The following HMCN1 variants were observed in gnomAD, a reference collection of about 807,000 sequenced individuals.
HMCN1 encodes hemicentin-1.
Under a neutral mutation model 625.9 loss-of-function variants are expected in HMCN1, and 321 were observed. The observed-to-expected ratio is 0.51, with a 90% CI of 0.47 to 0.56. The LOEUF (loss-of-function observed/expected upper bound fraction) is 0.56, where lower values mean the gene tolerates loss of function less well. Among genes scored for constraint, HMCN1 ranks in the 20% least tolerant of loss-of-function variants. HMCN1 has a pLI of 0.00. For synonymous variants in HMCN1, 2,425 were observed against 2,417.6 expected, an observed-to-expected ratio of 1.00 and a Z score of -0.09; for missense variants, 6,588 against 6,887.3, an observed-to-expected ratio of 0.96 and a Z score of 1.54.
At chr1:186,057,083 T>C (rs759866988) in intron 45 of HMCN1, 151 bp from the exon 46 acceptor site, 4 of 669,558 alleles carry the variant, frequency 6.0e-6, no homozygotes, top group Non-Finnish European at 1.1e-5. Context: ...TTGTTGTGAT[T>C]GCTTATTTTG....
intron 12 of HMCN1, 40 bp downstream of exon 12, chr1:185,962,699 G>C: frequency 2.4e-6 from 3 of 1,242,342 alleles, no homozygotes; most frequent in Non-Finnish European, 3.6e-6. Context: ...TATTGAGTGA[G>C]AAAAATTGAT....
intron 58 of HMCN1, 63 bp downstream of exon 58, chr1:186,086,470 A>C: frequency 6.6e-7 from 1 of 1,506,728 alleles, no homozygotes; most frequent in Non-Finnish European, 9.2e-7. Flanking sequence ...TACAAACAGC[A>C]TTTCAAATTA....
At chr1:186,105,537 G>C (rs1485828679) in intron 69 of HMCN1, among the ~76,000 whole-genome samples, 1 of 152,128 alleles carries the variant, frequency 6.6e-6, no homozygotes, top group African/African-American at 2.4e-5. Flanking sequence ...TCCCAAGAGG[G>C]GAGGGGACCA....
intron 49 of HMCN1, among the ~76,000 whole-genome samples, 156 bp from the exon 50 acceptor site, chr1:186,067,678 A>T (rs1286779024): frequency 2.0e-5 from 3 of 151,934 alleles, no homozygotes; most frequent in Non-Finnish European, 4.4e-5. Context: ...TTTTTAAGGG[A>T]TCACTCTTTT....
intron 11 of HMCN1, among the ~76,000 whole-genome samples, chr1:185,954,521 C>T (rs1400012836): frequency 2.0e-5 from 3 of 151,814 alleles, no homozygotes; most frequent in Non-Finnish European, 2.9e-5. Context: ...TGCTTTTTTC[C>T]AAAAGGTAAG....
intron 105 of HMCN1, 97 bp downstream of exon 105, chr1:186,182,384 TC>T: frequency 2.8e-6 from 4 of 1,416,948 alleles, no homozygotes; most frequent in Non-Finnish European, 4.0e-6. Context: ...CCTAGTGGCT[TC>T]CCCTTCTTAC....
intron 39 of HMCN1, 115 bp from the exon 40 acceptor site, chr1:186,040,898 A>G (rs1656157398): frequency 5.4e-6 from 6 of 1,117,868 alleles, no homozygotes; most frequent in Admixed American, 3.5e-5. Context: ...CCAAGGGAAA[A>G]TCTTCCTAAA....
chr1:185,970,653 G>C (rs1434652240), intron 15 of HMCN1, among the ~76,000 whole-genome samples, 160 bp downstream of exon 15: 1 of 151,386 alleles, frequency 6.6e-6, no homozygotes, highest in Non-Finnish European at 1.5e-5. Context: ...CATTTACTAG[G>C]TGCTTTCTTT....
At chr1:185,984,920 ACT>A (rs1180489409) in intron 19 of HMCN1, among the ~76,000 whole-genome samples, 1 of 152,088 alleles carries the variant, frequency 6.6e-6, no homozygotes, top group South Asian at 2.1e-4. Flanking sequence ...CTTTTTAAAG[ACT>A]CTGCAACATT....
intron 1 of HMCN1, among the ~76,000 whole-genome samples, chr1:185,791,929 G>A (rs115652845): frequency 1.6e-3 from 241 of 152,276 alleles, no homozygotes; most frequent in African/African-American, 5.6e-3. Flanking sequence ...TCACCCAGGT[G>A]TAGGCCAACA....
intron 89 of HMCN1, among the ~76,000 whole-genome samples, chr1:186,143,373 A>G (rs6664918): frequency 0.42 from 63,155 of 151,918 alleles, 13,785 homozygotes; most frequent in East Asian, 0.58. Context: ...TTCCCTGAAA[A>G]CAAAAATATG....
chr1:185,817,536 A>G (rs1418610022), intron 1 of HMCN1, among the ~76,000 whole-genome samples: 1 of 152,192 alleles, frequency 6.6e-6, no homozygotes, highest in African/African-American at 2.4e-5. Flanking sequence ...AAAGCAGTGA[A>G]GAATTTATAT....
chr1:185,930,746 TC>T (rs1667502451), intron 10 of HMCN1, among the ~76,000 whole-genome samples: 1 of 152,176 alleles, frequency 6.6e-6, no homozygotes, highest in African/African-American at 2.4e-5. Flanking sequence ...AAAGCAATGT[TC>T]TTCTCTTTTA....
chr1:185,963,323 C>CA (rs1345610173), intron 12 of HMCN1, among the ~76,000 whole-genome samples: 1 of 152,116 alleles, frequency 6.6e-6, no homozygotes, highest in African/African-American at 2.4e-5. Flanking sequence ...CACTGTGTGA[C>CA]ATGAGACATT....
rs544198749 is a variant in HMCN1, at chr1:186,189,395, A to C, written c.16542-117A>C. The stretch of plus-strand genomic sequence containing the variant: ...GACGACTGAGTCTTACCGCTTTTAC[A>C]GCCAGGCTGCCTACTGCATGCAGTG... On this transcript the variant is annotated intron_variant, in intron 106 of 106. Transcript: ENST00000271588. The C allele has an allele frequency of 3.8e-5, 41 of 1,069,310 alleles. No individual in the cohort carries two copies. The African/African-American group carries it at 5.5e-4, about 14-fold the overall frequency. The allele number at this position is 1,069,310 out of a possible 1,614,324, so 66.2% of individuals were successfully genotyped here.
intron 82 of HMCN1, among the ~76,000 whole-genome samples, chr1:186,127,484 C>T (rs975407883): frequency 1.3e-5 from 2 of 152,048 alleles, no homozygotes; most frequent in African/African-American, 4.8e-5. Context: ...GTTGGAGAAG[C>T]AGCAGCCAGT....
In HMCN1 at chr1:186,048,276, G is replaced by A. The variant is rs1433946601; in HGVS notation, c.6481-467G>A. On this transcript the variant is annotated intron_variant, in intron 41 of 106. Transcript: ENST00000271588. ...ATTCATCTGCCAAGCACCAAACTGG[G>A]TAGTAGAAGAATGAGGCTAATGTAA... 9.2e-5 allele frequency among the ~76,000 whole-genome samples: 14 copies of A among 152,194 alleles called. No homozygotes were observed. In the East Asian group the frequency reaches 2.7e-3, roughly 29 times the overall value.
rs1168351096 is a variant in HMCN1, at chr1:185,925,035, T to A, written c.1286-12T>A. 6.3e-7 allele frequency: 1 copy of A among 1,593,192 alleles called. No homozygotes were observed. The highest frequency in any genetic ancestry group is 1.8e-5 in the Admixed American group (1 of 56,698). The stretch of plus-strand genomic sequence containing the variant: ...TTAAGTTTTTTGTTTTTGTTTTTGT[T>A]TTTTTTCCTAGATGCTCCCAAAGTT... On this transcript the variant is annotated splice_polypyrimidine_tract_variant and intron_variant, in intron 8 of 106. Transcript: ENST00000271588.
intron 15 of HMCN1, among the ~76,000 whole-genome samples, chr1:185,975,205 G>A (rs1416020722): frequency 1.3e-5 from 2 of 152,104 alleles, no homozygotes; most frequent in Non-Finnish European, 2.9e-5. Context: ...AAAGTAACTA[G>A]GTCTTAGAGA....
Sources: gnomAD v4.1 joint callset for allele counts (sites outside exome capture counted in the v4.1 genomes callset) on GRCh38, gnomAD v4.1.1 for gene constraint, MANE v1.5 for transcripts, NCBI Gene and HGNC (gene_info 2026-07-23, HGNC 2026-07-21) for gene names.